GRID2: variants seen among roughly 807,000 people sequenced by gnomAD.
GRID2 encodes glutamate ionotropic receptor delta type subunit 2, also known as glutamate receptor ionotropic, delta-2.
GRID2 carries 33 observed loss-of-function variants against 114.8 expected under a neutral mutation model. The ratio of observed to expected loss-of-function variants is 0.29; its 90% CI spans 0.22 to 0.38. The LOEUF is 0.38. Ranked by LOEUF, GRID2 falls within the 10% of genes least tolerant of loss-of-function variation. GRID2 has a pLI of 1.00. For synonymous variants in GRID2, 505 were observed against 449.9 expected (o/e 1.12, Z -1.55); for missense variants, 1,184 against 1,257.7 (o/e 0.94, Z 0.89).
intron 1 of GRID2, among the ~76,000 whole-genome samples, chr4:92,334,927 C>T (rs1226381991): frequency 6.6e-6 from 1 of 152,202 alleles, no homozygotes; most frequent in Non-Finnish European, 1.5e-5. Context: ...CAAATTGTGC[C>T]TGGAGCCTGC....
chr4:92,914,364 G>T (rs1748624671), intron 2 of GRID2, among the ~76,000 whole-genome samples: 2 of 152,002 alleles, frequency 1.3e-5, no homozygotes, highest in South Asian at 2.1e-4. Context: ...CACTTTAAAA[G>T]AAACATATAT....
intron 3 of GRID2, among the ~76,000 whole-genome samples, chr4:93,106,260 C>G (rs145536832): frequency 1.5e-3 from 230 of 152,328 alleles, no homozygotes; most frequent in African/African-American, 5.3e-3. Context: ...TGGCTGCCAG[C>G]TAATCAGCAT....
At chr4:93,304,430 T>A (rs1755202730) in intron 8 of GRID2, among the ~76,000 whole-genome samples, 1 of 151,854 alleles carries the variant, frequency 6.6e-6, no homozygotes. Flanking sequence ...AGAGGTGCTT[T>A]TTTCCCCCCT....
At chr4:92,884,998 C>T (rs1746274791) in intron 2 of GRID2, 1 of 273,570 alleles carries the variant, frequency 3.7e-6, no homozygotes, top group Non-Finnish European at 7.4e-6. Flanking sequence ...GGATTAATTA[C>T]TGCTGCACAG....
intron 13 of GRID2, among the ~76,000 whole-genome samples, chr4:93,521,847 A>G (rs1333388347): frequency 6.6e-6 from 1 of 152,210 alleles, no homozygotes; most frequent in Non-Finnish European, 1.5e-5. Flanking sequence ...TAGTAAAACT[A>G]CAAGGAGATA....
At chr4:93,477,461 A>G (rs1035407938) in intron 11 of GRID2, among the ~76,000 whole-genome samples, 1 of 152,140 alleles carries the variant, frequency 6.6e-6, no homozygotes, top group African/African-American at 2.4e-5. Context: ...GGAAATTTCA[A>G]TGAACAGCCA....
At chr4:92,602,147 C>T (rs1335459834) in intron 2 of GRID2, among the ~76,000 whole-genome samples, 2 of 150,738 alleles carry the variant, frequency 1.3e-5, no homozygotes, top group East Asian at 3.9e-4. Flanking sequence ...AGGGACTTCA[C>T]CCTAACTCAT....
chr4:92,447,681 T>G (rs1423298296), intron 1 of GRID2, among the ~76,000 whole-genome samples: 2 of 152,218 alleles, frequency 1.3e-5, no homozygotes, highest in Non-Finnish European at 2.9e-5. Flanking sequence ...ATCACAGTGC[T>G]TGCAGATTCC....
At chr4:92,434,232 T>G (rs1301233468) in intron 1 of GRID2, among the ~76,000 whole-genome samples, 1 of 152,188 alleles carries the variant, frequency 6.6e-6, no homozygotes, top group Non-Finnish European at 1.5e-5. Context: ...ATGGACTGTT[T>G]TTTTTGCGTG....
At chr4:92,438,302 A>G (rs7689616) in intron 1 of GRID2, among the ~76,000 whole-genome samples, 5,210 of 152,210 alleles carry the variant, frequency 0.034, 105 homozygotes, top group South Asian at 0.08. Flanking sequence ...GAGGGACAGT[A>G]TGATGTATTT....
chr4:92,935,217 G>A (rs1461935437), intron 2 of GRID2, among the ~76,000 whole-genome samples: 2 of 146,480 alleles, frequency 1.4e-5, no homozygotes, highest in African/African-American at 4.9e-5. Flanking sequence ...ATCAAAAAGT[G>A]GGCAAAGGAC....
intron 14 of GRID2, among the ~76,000 whole-genome samples, chr4:93,755,114 G>A (rs1157418634): frequency 2.0e-5 from 3 of 152,136 alleles, no homozygotes; most frequent in Non-Finnish European, 2.9e-5. Flanking sequence ...TTTCATAACA[G>A]CAACGTATCC....
At chr4:93,321,797 G>C (rs1757246522) in intron 8 of GRID2, among the ~76,000 whole-genome samples, 2 of 151,760 alleles carry the variant, frequency 1.3e-5, no homozygotes, top group South Asian at 4.2e-4. Flanking sequence ...TTTCACATTT[G>C]TGATTAACTC....
chr4:92,692,092 G>C (rs1055076077), intron 2 of GRID2, among the ~76,000 whole-genome samples: 1 of 151,956 alleles, frequency 6.6e-6, no homozygotes, highest in African/African-American at 2.4e-5. Flanking sequence ...ATATATTAGA[G>C]CCCCCTACCA....
chr4:93,657,606 G>A (rs780609724), intron 14 of GRID2, among the ~76,000 whole-genome samples: 28 of 151,808 alleles, frequency 1.8e-4, no homozygotes, highest in Non-Finnish European at 2.5e-4. Context: ...ATTCATACCT[G>A]TGCACCAAAG....
At chr4:92,511,365 G>T (rs958372539) in intron 1 of GRID2, among the ~76,000 whole-genome samples, 1 of 151,938 alleles carries the variant, frequency 6.6e-6, no homozygotes, top group South Asian at 2.1e-4. Flanking sequence ...CTGCCCCCAT[G>T]ATCCAAATAC....
At chr4:93,688,212 G>T (rs949910236) in intron 14 of GRID2, among the ~76,000 whole-genome samples, 18 of 151,860 alleles carry the variant, frequency 1.2e-4, no homozygotes, top group African/African-American at 4.3e-4. Flanking sequence ...TAGAAAAACA[G>T]TATTTTTTTT....
At chr4:92,465,499 T>A (rs1387836391) in intron 1 of GRID2, among the ~76,000 whole-genome samples, 2 of 152,144 alleles carry the variant, frequency 1.3e-5, no homozygotes, top group Non-Finnish European at 2.9e-5. Context: ...TATAGAGCTA[T>A]AATTCACAAT....
At chr4:92,839,442 C>T (rs1578275521) in intron 2 of GRID2, among the ~76,000 whole-genome samples, 1 of 144,174 alleles carries the variant, frequency 6.9e-6, no homozygotes, top group East Asian at 2.1e-4. Flanking sequence ...CAACAGTCCC[C>T]AGAGTGTGAT....
Sources: gnomAD v4.1 joint callset for allele counts (sites outside exome capture counted in the v4.1 genomes callset) on GRCh38, gnomAD v4.1.1 for gene constraint, MANE v1.5 for transcripts, NCBI Gene and HGNC (gene_info 2026-07-23, HGNC 2026-07-21) for gene names.